Variants in MRAP2 observed in about 807,000 individuals in gnomAD.
MRAP2 encodes melanocortin-2 receptor accessory protein 2.
In MRAP2, 20 loss-of-function variants were observed where a neutral mutation model predicts 17.4. That is an observed-to-expected ratio of 1.15 (90% CI 0.81 to 1.67). The LOEUF is 1.67. Ranked by LOEUF, MRAP2 falls within the 40% of genes most tolerant of loss-of-function variation. The pLI is 0.00. For synonymous variants in MRAP2, 96 were observed against 88.4 expected (o/e 1.09, Z -0.48); for missense variants, 238 against 240.0 (o/e 0.99, Z 0.05).
At chr6:84,100,749 T>G in the MRAP2 span, among the ~76,000 whole-genome samples, 3 of 152,232 alleles carry the variant, frequency 2.0e-5, no homozygotes, top group Non-Finnish European at 4.4e-5. Flanking sequence ...ATATTCACAT[T>G]TGGCTATATG....
the MRAP2 span, chr6:84,124,769 C>T: frequency 6.8e-5 from 23 of 338,484 alleles, no homozygotes; most frequent in South Asian, 6.2e-4. Flanking sequence ...AAAAATGTGG[C>T]GGAGTATGTT....
the MRAP2 span, among the ~76,000 whole-genome samples, chr6:84,122,805 G>A: frequency 6.6e-6 from 1 of 152,098 alleles, no homozygotes; most frequent in Admixed American, 6.6e-5. Context: ...TTTTGCTGAT[G>A]ACACGATTGT....
At chr6:84,133,241 C>G in the MRAP2 span, among the ~76,000 whole-genome samples, 1 of 152,112 alleles carries the variant, frequency 6.6e-6, no homozygotes, top group African/African-American at 2.4e-5. Flanking sequence ...CAGAGGGGCA[C>G]CCGGCTGTAT....
downstream of MRAP2, among the ~76,000 whole-genome samples, chr6:84,093,296 G>A (rs1180044317): frequency 6.6e-6 from 1 of 152,040 alleles, no homozygotes; most frequent in African/African-American, 2.4e-5. Context: ...AAGGGAATGG[G>A]GACTTATCCT....
At chr6:84,073,049 C>G (rs1428178853) in intron 3 of MRAP2, among the ~76,000 whole-genome samples, 1 of 152,214 alleles carries the variant, frequency 6.6e-6, no homozygotes, top group Non-Finnish European at 1.5e-5. Context: ...CCTATGGAGT[C>G]TGCACACTGG....
chr6:84,064,481 T>G (rs552223387), intron 3 of MRAP2, among the ~76,000 whole-genome samples: 19 of 136,664 alleles, frequency 1.4e-4, no homozygotes, highest in African/African-American at 7.1e-4. Flanking sequence ...ATTTTGGTTT[T>G]GTTTTGTTTT....
At chr6:84,068,791 T>C (rs1004280313) in intron 3 of MRAP2, among the ~76,000 whole-genome samples, 5 of 145,838 alleles carry the variant, frequency 3.4e-5, no homozygotes, top group Non-Finnish European at 7.5e-5. Context: ...ATTCTTTTTT[T>C]TTTTTTTTTT....
the MRAP2 span, among the ~76,000 whole-genome samples, chr6:84,127,489 CTCAGG>C: frequency 6.6e-6 from 1 of 152,004 alleles, no homozygotes; most frequent in African/African-American, 2.4e-5. Flanking sequence ...TTGCAGAGAG[CTCAGG>C]GAGAGGCCTC....
chr6:84,070,404 G>T (rs897554435), intron 3 of MRAP2, among the ~76,000 whole-genome samples: 3 of 152,152 alleles, frequency 2.0e-5, no homozygotes, highest in African/African-American at 7.2e-5. Context: ...GCATGGTTTT[G>T]AAGGTTCCTT....
chr6:84,099,464 A>G, the MRAP2 span, among the ~76,000 whole-genome samples: 2 of 152,166 alleles, frequency 1.3e-5, no homozygotes, highest in African/African-American at 2.4e-5. Context: ...TCATGTTTAA[A>G]TGTAACCTCC....
chr6:84,139,308 CCTTT>C, the MRAP2 span, among the ~76,000 whole-genome samples: 1,499 of 152,244 alleles, frequency 9.8e-3, 16 homozygotes, highest in Non-Finnish European at 0.014. Flanking sequence ...TTTCCTCTGT[CCTTT>C]CTTTATCTAC....
the MRAP2 span, among the ~76,000 whole-genome samples, chr6:84,096,681 A>G: frequency 6.6e-6 from 1 of 152,180 alleles, no homozygotes; most frequent in Non-Finnish European, 1.5e-5. Context: ...AAAAGCCACC[A>G]AGAATGTCAT....
intron 2 of MRAP2, chr6:84,062,161 C>T: frequency 1.1e-6 from 1 of 947,252 alleles, no homozygotes; most frequent in Non-Finnish European, 1.3e-6. Flanking sequence ...TATTTGCATA[C>T]TTGCATTCTT....
At chr6:84,143,632 GAA>G in the MRAP2 span, among the ~76,000 whole-genome samples, 4 of 151,772 alleles carry the variant, frequency 2.6e-5, no homozygotes, top group African/African-American at 9.7e-5. Context: ...GAAGGAGAGA[GAA>G]AGAGAAAGTG....
At chr6:84,136,000 C>T in the MRAP2 span, among the ~76,000 whole-genome samples, 291 of 152,314 alleles carry the variant, frequency 1.9e-3, 1 homozygote, top group Middle Eastern at 6.8e-3. Context: ...CTTACTTAAT[C>T]TAGAGGGTTT....
At chr6:84,141,324 A>C in the MRAP2 span, among the ~76,000 whole-genome samples, 1 of 152,194 alleles carries the variant, frequency 6.6e-6, no homozygotes, top group Non-Finnish European at 1.5e-5. Flanking sequence ...GGTAAAATAA[A>C]ATTTAAAAGA....
the MRAP2 span, among the ~76,000 whole-genome samples, chr6:84,117,431 T>A: frequency 6.6e-6 from 1 of 152,126 alleles, no homozygotes; most frequent in Non-Finnish European, 1.5e-5. Flanking sequence ...TTTTTCTGAA[T>A]AGTTTCAGTC....
the MRAP2 span, among the ~76,000 whole-genome samples, chr6:84,106,846 C>G: frequency 6.6e-6 from 1 of 152,084 alleles, no homozygotes; most frequent in Admixed American, 6.6e-5. Flanking sequence ...TTCAGTGGGT[C>G]AGACAACATG....
intron 1 of MRAP2, among the ~76,000 whole-genome samples, chr6:84,037,559 C>T (rs529753815): frequency 1.3e-4 from 20 of 148,746 alleles, no homozygotes; most frequent in Admixed American, 6.6e-4. Context: ...TCGGGCAGTG[C>T]GGGAGCCCAC....
Sources: allele counts gnomAD v4.1 joint callset (sites outside exome capture counted in the v4.1 genomes callset), GRCh38; gene constraint gnomAD v4.1.1; transcripts MANE v1.5; gene names NCBI Gene and HGNC (gene_info 2026-07-23, HGNC 2026-07-21).